The following KCNIP3 variants were observed in gnomAD, a reference collection of about 807,000 sequenced individuals.
The protein encoded by KCNIP3 is calsenilin.
A neutral mutation model predicts 35.0 loss-of-function variants in KCNIP3; 28 were observed. The observed-to-expected ratio is 0.80, with a 90% CI of 0.59 to 1.10. KCNIP3 has a LOEUF of 1.10. Among genes scored for constraint, KCNIP3 ranks in the 50% least tolerant of loss-of-function variants. The pLI, the probability that KCNIP3 is intolerant of heterozygous loss-of-function variation, is 0.00. For synonymous variants in KCNIP3, 134 were observed against 133.8 expected, an observed-to-expected ratio of 1.00 and a Z score of -0.01; for missense variants, 295 against 338.4, an observed-to-expected ratio of 0.87 and a Z score of 1.01.
At chr2:95,335,823 A>G (rs923409152) in intron 2 of KCNIP3, among the ~76,000 whole-genome samples, 4 of 152,120 alleles carry the variant, frequency 2.6e-5, no homozygotes, top group African/African-American at 9.7e-5. Context: ...TACATTTGTT[A>G]GACTTTTTTA....
chr2:95,365,937 T>C (rs1679906873), intron 2 of KCNIP3, among the ~76,000 whole-genome samples: 1 of 152,174 alleles, frequency 6.6e-6, no homozygotes, highest in African/African-American at 2.4e-5. Flanking sequence ...ATTACCACAA[T>C]CAAGATGTGG....
At chr2:95,358,584 G>A (rs1679715588) in intron 2 of KCNIP3, among the ~76,000 whole-genome samples, 1 of 152,212 alleles carries the variant, frequency 6.6e-6, no homozygotes, top group South Asian at 2.1e-4. Context: ...CACAGAATGG[G>A]TAATTCTATT....
intron 2 of KCNIP3, among the ~76,000 whole-genome samples, chr2:95,372,092 A>G (rs1376962389): frequency 1.3e-5 from 2 of 152,196 alleles, no homozygotes; most frequent in Admixed American, 6.5e-5. Flanking sequence ...GGAGTGAGCC[A>G]CAGCACCCAG....
At chr2:95,338,661 A>C (rs1679120594) in intron 2 of KCNIP3, among the ~76,000 whole-genome samples, 1 of 152,214 alleles carries the variant, frequency 6.6e-6, no homozygotes, top group Admixed American at 6.5e-5. Flanking sequence ...CTTGATGTTA[A>C]CCAAAAGGCA....
chr2:95,377,392 G>A lies in KCNIP3; in HGVS notation c.447+2184G>A, dbSNP rs1680231925. 6.6e-6 allele frequency among the ~76,000 whole-genome samples: 1 copy of A among 152,224 alleles called. No individual in the cohort carries two copies. Among genetic ancestry groups the A allele is most frequent in the African/African-American group, 2.4e-5 (1 of 41,452 alleles). On this transcript the variant is annotated intron_variant, in intron 5 of 8. Transcript: ENST00000295225. This position sits in a 1 kb window ranked among gnomAD's most constrained non-coding sequence, Gnocchi z 4.7. Reference sequence around the variant, plus strand: ...CCAAGCGGCATCCAGGGCCGTGTGAGGGCAGCCTGCAAGCCCAGCAACCAC... The same window carrying A: ...CCAAGCGGCATCCAGGGCCGTGTGAAGGCAGCCTGCAAGCCCAGCAACCAC...
chr2:95,309,171 G>A (rs1247529352), intron 1 of KCNIP3, among the ~76,000 whole-genome samples: 1 of 152,200 alleles, frequency 6.6e-6, no homozygotes, highest in African/African-American at 2.4e-5. Context: ...AGCAGGAGAG[G>A]ACAGCACAAA....
chr2:95,330,731 G>A (rs1026592095), intron 2 of KCNIP3, among the ~76,000 whole-genome samples: 4 of 152,176 alleles, frequency 2.6e-5, no homozygotes, highest in African/African-American at 9.6e-5. Context: ...CACTGGGCTG[G>A]CACTGATCCC....
chr2:95,333,252 C>G (rs554432114), intron 2 of KCNIP3, among the ~76,000 whole-genome samples: 25 of 152,376 alleles, frequency 1.6e-4, no homozygotes, highest in Admixed American at 1.1e-3. Flanking sequence ...AGAGTGTAAG[C>G]TCCTTGAGGC....
At chr2:95,361,139 A>G (rs977758543) in intron 2 of KCNIP3, among the ~76,000 whole-genome samples, 16 of 152,160 alleles carry the variant, frequency 1.1e-4, no homozygotes, top group Admixed American at 3.3e-4. Context: ...AAAAAGCCCA[A>G]GTTTCCTATA....
At chr2:95,374,222 C>A in intron 2 of KCNIP3, 74 bp from the exon 3 acceptor site, 4 of 1,567,742 alleles carry the variant, frequency 2.6e-6, no homozygotes, top group Non-Finnish European at 3.5e-6. Flanking sequence ...TTGGCCCATG[C>A]CCTGGCCACA....
chr2:95,371,893 C>T (rs1680049874), intron 2 of KCNIP3, among the ~76,000 whole-genome samples: 1 of 151,680 alleles, frequency 6.6e-6, no homozygotes, highest in African/African-American at 2.4e-5. Flanking sequence ...CAACCTTCGC[C>T]TCCTGGATTG....
At chr2:95,333,657 A>G (rs1678988555) in intron 2 of KCNIP3, among the ~76,000 whole-genome samples, 1 of 152,224 alleles carries the variant, frequency 6.6e-6, no homozygotes, top group Non-Finnish European at 1.5e-5. Context: ...TGAGGATTCA[A>G]TGATACTATG....
At chr2:95,368,297 T>A (rs1679963913) in intron 2 of KCNIP3, among the ~76,000 whole-genome samples, 1 of 152,046 alleles carries the variant, frequency 6.6e-6, no homozygotes, top group Non-Finnish European at 1.5e-5. Context: ...TGCCTTCTCA[T>A]AGTAGCAAAC....
chr2:95,320,229 C>T (rs1678559164), intron 2 of KCNIP3, among the ~76,000 whole-genome samples: 1 of 152,182 alleles, frequency 6.6e-6, no homozygotes, highest in African/African-American at 2.4e-5. Context: ...GCGCTGTGGC[C>T]TCTGACCCTC....
At chr2:95,324,468 G>A (rs1444313426) in intron 2 of KCNIP3, among the ~76,000 whole-genome samples, 15 of 151,918 alleles carry the variant, frequency 9.9e-5, no homozygotes, top group South Asian at 8.3e-4. Context: ...AAGCGAGATT[G>A]CGCCACTGCA....
intron 2 of KCNIP3, among the ~76,000 whole-genome samples, chr2:95,341,980 T>C (rs1280815248): frequency 6.6e-6 from 1 of 151,826 alleles, no homozygotes; most frequent in Non-Finnish European, 1.5e-5. Context: ...ATGGAGGAGA[T>C]CTAGGAAGGT....
intron 2 of KCNIP3, chr2:95,347,191 A>G: frequency 7.4e-7 from 1 of 1,346,308 alleles, no homozygotes; most frequent in Non-Finnish European, 1.0e-6. Flanking sequence ...AGGGACCAGT[A>G]CCCGCACGCC....
At position 95,384,001 on chromosome 2, in the gene KCNIP3, G is replaced by A; in HGVS notation, c.724-1G>A. On this transcript the variant is annotated splice_acceptor_variant, in intron 8 of 8. Transcript: ENST00000295225. LOFTEE classifies it high-confidence loss of function. ...AGGCCTCCCTTCCTCTCTCCATGCA[G>A]GATGAGAACATCATGAGCTCCATGC... 4 of 1,613,860 alleles carry A rather than the reference G, an allele frequency of 2.5e-6. No individual in the cohort carries two copies. The highest frequency in any genetic ancestry group is 3.4e-6 in the Non-Finnish European group (4 of 1,179,866).
Position 95,381,823 on chromosome 2 carries a change from A to G in KCNIP3, c.555+120A>G, listed in dbSNP as rs1680353827. 6 of 729,732 alleles carry G rather than the reference A, an allele frequency of 8.2e-6. No homozygotes were observed. The Admixed American group carries it at 1.3e-4, about 16-fold the overall frequency. The allele number at this position is 729,732 out of a possible 1,614,324, so 45.2% of individuals were successfully genotyped here. The stretch of plus-strand genomic sequence containing the variant: ...CTGTCTTCTCCCGCTGTCCATCCAG[A>G]GACTGGCCCCAGGGACAGCAGCCAG... On this transcript the variant is annotated intron_variant, in intron 6 of 8. Coordinates refer to ENST00000295225, the MANE Select transcript of KCNIP3 (RefSeq NM_013434.5).
Sources: allele counts gnomAD v4.1 joint callset (sites outside exome capture counted in the v4.1 genomes callset), GRCh38; gene constraint gnomAD v4.1.1; non-coding constraint Gnocchi (gnomAD v3.1); transcripts MANE v1.5; gene names NCBI Gene and HGNC (gene_info 2026-07-23, HGNC 2026-07-21).